The following LRRC8D variants were observed in gnomAD, a reference collection of about 807,000 sequenced individuals.
The protein encoded by LRRC8D is leucine rich repeat containing 8 VRAC subunit D.
Under a neutral mutation model 55.8 loss-of-function variants are expected in LRRC8D, and 20 were observed. The observed-to-expected ratio is 0.36, with a 90% CI of 0.25 to 0.52. LRRC8D has a LOEUF of 0.52. Among genes scored for constraint, LRRC8D ranks in the 20% least tolerant of loss-of-function variants. The probability of loss-of-function intolerance (pLI) is 0.93; values close to 1 mark genes in which losing one functional copy is unlikely to be tolerated. For missense variants in LRRC8D, 651 were observed against 1,030.8 expected (o/e 0.63, Z 5.05); for synonymous variants, 352 against 377.0 (o/e 0.93, Z 0.77).
chr1:89,901,535 A>G (rs1219671753), intron 2 of LRRC8D, among the ~76,000 whole-genome samples: 1 of 151,978 alleles, frequency 6.6e-6, no homozygotes, highest in Non-Finnish European at 1.5e-5. Flanking sequence ...TGTCTCCTTC[A>G]TACTTCCCTT....
chr1:89,910,059 T>C (rs1461192698), intron 2 of LRRC8D, among the ~76,000 whole-genome samples: 1 of 152,240 alleles, frequency 6.6e-6, no homozygotes, highest in African/African-American at 2.4e-5. Context: ...GAGTTGTTTA[T>C]TCTTTTAAGA....
At chr1:89,860,756 CAAAAAAAAA>C (rs1181859656) in intron 2 of LRRC8D, among the ~76,000 whole-genome samples, 2 of 18,844 alleles carry the variant, frequency 1.1e-4, no homozygotes, top group African/African-American at 2.3e-4. Flanking sequence ...GACTCTATCT[CAAAAAAAAA>C]AAAAAAAAAA....
chr1:89,881,140 A>G (rs1035274975), intron 2 of LRRC8D, among the ~76,000 whole-genome samples: 1 of 151,990 alleles, frequency 6.6e-6, no homozygotes, highest in African/African-American at 2.4e-5. Context: ...TTCCAGCTCC[A>G]TTTCTATCCC....
chr1:89,846,662 T>G (rs1240469303), intron 2 of LRRC8D: 4 of 152,172 alleles, frequency 2.6e-5, no homozygotes, highest in Non-Finnish European at 4.4e-5. Flanking sequence ...ACTCAAGGTT[T>G]GTTTTCATTT....
Position 89,843,618 on chromosome 1 carries a change from T to G in LRRC8D, c.-147-20T>G. 1 of 701,452 alleles carries G rather than the reference T, an allele frequency of 1.4e-6. No individual in the cohort carries two copies. The highest frequency in any genetic ancestry group is 2.0e-5 in the Admixed American group (1 of 49,890). 43.5% of individuals were successfully genotyped at this position (701,452 alleles called of 1,614,324 possible). On this transcript the variant is annotated intron_variant, in intron 1 of 2. Transcript: ENST00000337338. Reference sequence around the variant, plus strand: ...ACTTGGATCTCTCTAGCTCTTTCTCTCCCCTGTGTTTTCAAACAGGAAGTG... The same window carrying G: ...ACTTGGATCTCTCTAGCTCTTTCTCGCCCCTGTGTTTTCAAACAGGAAGTG...
rs898642180 is a variant in LRRC8D, at chr1:89,874,362, A to G, written c.-3+30580A>G. 2.0e-5 allele frequency among the ~76,000 whole-genome samples: 3 copies of G among 152,140 alleles called. No homozygotes were observed. In the East Asian group the frequency reaches 5.8e-4, roughly 29 times the overall value. ...TCTTTGGAACTCAGTTTTCTCATCTATAATGAGATGGAGTTGGATTCTATG... is the reference window on the plus strand; with the variant it reads ...TCTTTGGAACTCAGTTTTCTCATCTGTAATGAGATGGAGTTGGATTCTATG... On this transcript the variant is annotated intron_variant, in intron 2 of 2. Transcript: ENST00000337338.
Position 89,862,109 on chromosome 1 carries a change from G to A in LRRC8D, c.-3+18327G>A, listed in dbSNP as rs552165055. On this transcript the variant is annotated intron_variant, in intron 2 of 2. Transcript: ENST00000337338. ...CATGACTAAAAGAGCTGGTTATACC[G>A]TTAGATTGTTAAAGCTAGAAGGAGG... 2.4e-4 allele frequency among the ~76,000 whole-genome samples: 36 copies of A among 152,312 alleles called. No individual in the cohort carries two copies. The South Asian group carries it at 3.9e-3, about 17-fold the overall frequency.
intron 2 of LRRC8D, among the ~76,000 whole-genome samples, chr1:89,914,260 G>A (rs1323679263): frequency 6.6e-6 from 1 of 152,228 alleles, no homozygotes; most frequent in Non-Finnish European, 1.5e-5. Flanking sequence ...CGAGTGCGGG[G>A]CCCACCAAGC....
At chr1:89,827,272 C>T (rs916846799) in intron 1 of LRRC8D, among the ~76,000 whole-genome samples, 4 of 149,340 alleles carry the variant, frequency 2.7e-5, no homozygotes, top group East Asian at 2.0e-4. Flanking sequence ...ATCACTTGAA[C>T]TCAAGAGGCG....
chr1:89,854,063 C>CA (rs1447611227), intron 2 of LRRC8D, among the ~76,000 whole-genome samples: 1 of 152,060 alleles, frequency 6.6e-6, no homozygotes, highest in Non-Finnish European at 1.5e-5. Flanking sequence ...CAAGCATACT[C>CA]AAAGGGGTTG....
chr1:89,836,761 G>A (rs1287331154), intron 1 of LRRC8D, among the ~76,000 whole-genome samples: 1 of 152,162 alleles, frequency 6.6e-6, no homozygotes, highest in African/African-American at 2.4e-5. Flanking sequence ...AATTAAAGGG[G>A]ACACAAAAAT....
In LRRC8D at chr1:89,933,475, G is replaced by T; in HGVS notation, c.407G>T (p.Gly136Val). 1 of 1,614,076 alleles carries T rather than the reference G, an allele frequency of 6.2e-7. No individual in the cohort carries two copies. The highest frequency in any genetic ancestry group is 8.5e-7 in the Non-Finnish European group (1 of 1,180,028). ...EAKKEKKDPT[G>V]RKTNLDFQQY... is the part of the protein sequence containing the mutation. Reference sequence around the variant, plus strand: ...AAGAAAGAGAAGAAAGATCCAACAGGTCGAAAAACAAACTTGGATTTTCAG... The same window carrying T: ...AAGAAAGAGAAGAAAGATCCAACAGTTCGAAAAACAAACTTGGATTTTCAG... The change falls in exon 3 of 3, where the codon GGT (glycine) becomes GTT (valine). Residue 136 changes from glycine (G) to valine (V), a missense_variant. By Grantham distance (109) the Gly-to-Val change is moderately radical (BLOSUM62 -3). Transcript: ENST00000337338. The surrounding 1 kb of genome is among the most constrained non-coding windows in gnomAD (Gnocchi z 7.0).
intron 2 of LRRC8D, among the ~76,000 whole-genome samples, chr1:89,856,655 C>A (rs1661560029): frequency 1.3e-5 from 2 of 152,148 alleles, no homozygotes; most frequent in African/African-American, 4.8e-5. Flanking sequence ...TTTCAAATCC[C>A]TTAGGTATTT....
At chr1:89,930,617 T>C (rs78036464) in intron 2 of LRRC8D, among the ~76,000 whole-genome samples, 2,807 of 152,196 alleles carry the variant, frequency 0.018, 53 homozygotes, top group African/African-American at 0.049. Flanking sequence ...AAAAATCTAT[T>C]GTTCCTATTA....
At chr1:89,888,741 C>A (rs1191113642) in intron 2 of LRRC8D, among the ~76,000 whole-genome samples, 1 of 152,108 alleles carries the variant, frequency 6.6e-6, no homozygotes, top group Non-Finnish European at 1.5e-5. Context: ...GCTTAACAAA[C>A]CCACAATGAC....
rs767735051 is a variant in LRRC8D at position 89,935,218 on chromosome 1, A to G, written c.2150A>G (p.Lys717Arg). Residue 717 changes from lysine (K) to arginine (R), a missense_variant, in exon 3 of 3, where the codon AAG becomes AGG. Around this residue, in one of 5 missense-constraint regions of LRRC8D, gnomAD observed 338 missense variants for 479.4 expected, o/e 0.71. Coordinates refer to ENST00000337338, the MANE Select transcript of LRRC8D (RefSeq NM_001134479.2). ...NLESLYFSNN[K>R]LESLPVAVFS... is the part of the protein sequence containing the mutation. The stretch of plus-strand genomic sequence containing the variant: ...GAGTCACTTTATTTCTCTAACAACA[A>G]GCTCGAATCCTTACCAGTGGCAGTA... 6.2e-7 allele frequency: 1 copy of G among 1,614,198 alleles called. No individual in the cohort carries two copies. The highest frequency in any genetic ancestry group is 1.1e-5 in the South Asian group (1 of 91,084).
chr1:89,859,418 C>A (rs1444378546), intron 2 of LRRC8D, among the ~76,000 whole-genome samples: 1 of 152,154 alleles, frequency 6.6e-6, no homozygotes, highest in African/African-American at 2.4e-5. Context: ...ACATTGCACC[C>A]TTTCGTCTGT....
chr1:89,905,915 C>T (rs189823744), intron 2 of LRRC8D, among the ~76,000 whole-genome samples: 23 of 152,304 alleles, frequency 1.5e-4, no homozygotes, highest in Middle Eastern at 3.4e-3. Context: ...TGTCCTCTTA[C>T]CTCAACACCT....
At chr1:89,825,770 T>A (rs1297954922) in intron 1 of LRRC8D, among the ~76,000 whole-genome samples, 1 of 152,256 alleles carries the variant, frequency 6.6e-6, no homozygotes, top group East Asian at 1.9e-4. Flanking sequence ...CTTCTGAAGC[T>A]GGCAGGTAAG....
Sources: allele counts gnomAD v4.1 joint callset (sites outside exome capture counted in the v4.1 genomes callset), GRCh38; gene constraint gnomAD v4.1.1; regional missense constraint gnomAD v4.1.1; non-coding constraint Gnocchi (gnomAD v3.1); transcripts MANE v1.5; gene names NCBI Gene and HGNC (gene_info 2026-07-23, HGNC 2026-07-21).